SOX6: variants seen among roughly 807,000 people sequenced by gnomAD.
SOX6 encodes the protein SRY-box transcription factor 6.
In SOX6, 11 loss-of-function variants were observed where a neutral mutation model predicts 97.8. That is an observed-to-expected ratio of 0.11 (90% CI 0.07 to 0.19). The LOEUF (loss-of-function observed/expected upper bound fraction) is 0.19, where lower values mean the gene tolerates loss of function less well. Ranked by LOEUF, SOX6 falls within the 10% of genes least tolerant of loss-of-function variation. SOX6 has a pLI of 1.00. For synonymous variants in SOX6, 360 were observed against 371.4 expected (o/e 0.97, Z 0.35); for missense variants, 810 against 1,039.5 (o/e 0.78, Z 3.04).
chr11:16,376,272 C>A (rs1179114652), intron 1 of SOX6, among the ~76,000 whole-genome samples: 2 of 151,912 alleles, frequency 1.3e-5, no homozygotes, highest in African/African-American at 4.8e-5. Flanking sequence ...GGATTTATAC[C>A]TTCTAAATTA....
chr11:15,983,666 A>G (rs1027668276), intron 15 of SOX6, among the ~76,000 whole-genome samples: 1 of 152,140 alleles, frequency 6.6e-6, no homozygotes, highest in African/African-American at 2.4e-5. Context: ...CTTAAGCAGA[A>G]ATAACACCTG....
At chr11:16,214,909 C>T (rs773330720) in intron 4 of SOX6, among the ~76,000 whole-genome samples, 2 of 151,902 alleles carry the variant, frequency 1.3e-5, no homozygotes, top group Non-Finnish European at 2.9e-5. Context: ...ACCACCACAC[C>T]CAGCTAATTT....
intron 4 of SOX6, among the ~76,000 whole-genome samples, chr11:16,583,614 C>CATATATATATATATATATATACATATAT (rs1848054025): frequency 1.2e-4 from 13 of 104,718 alleles, no homozygotes; most frequent in Middle Eastern, 0.011. Flanking sequence ...TATATATATA[C>CATATATATATATATATATATACATATAT]ATATATATAT....
intron 3 of SOX6, among the ~76,000 whole-genome samples, chr11:16,630,796 T>C (rs1848696063): frequency 6.6e-6 from 1 of 152,236 alleles, no homozygotes; most frequent in Non-Finnish European, 1.5e-5. Context: ...TGTAGGACAG[T>C]TAAGTCTTCT....
chr11:16,300,987 A>C lies in SOX6; in HGVS notation c.445+17459T>G, dbSNP rs1199791034. Among the ~76,000 whole-genome samples the C allele has an allele frequency of 6.6e-6, 1 of 152,202 alleles. No individual in the cohort carries two copies. The highest frequency in any genetic ancestry group is 2.4e-5 in the African/African-American group (1 of 41,452). Reference sequence around the variant, plus strand: ...CAGATTATTACATCTGAAACCACACAATACCTTTTCTTTTTTCCCTCATCA... The same window carrying C: ...CAGATTATTACATCTGAAACCACACCATACCTTTTCTTTTTTCCCTCATCA... On this transcript the variant is annotated intron_variant, in intron 3 of 15. Transcript: ENST00000683767. This position sits in a 1 kb window ranked among gnomAD's most constrained non-coding sequence, Gnocchi z 4.1.
chr11:16,287,298 T>TCTCACACACACACA (rs1554953497), intron 3 of SOX6, among the ~76,000 whole-genome samples: 2 of 123,450 alleles, frequency 1.6e-5, no homozygotes, highest in African/African-American at 6.5e-5. Flanking sequence ...TCTCTCTCTC[T>TCTCACACACACACA]CACACACACA....
intron 1 of SOX6, among the ~76,000 whole-genome samples, chr11:16,473,902 G>A (rs1308883250): frequency 6.6e-6 from 1 of 152,148 alleles, no homozygotes; most frequent in Non-Finnish European, 1.5e-5. Flanking sequence ...TTTACCCACA[G>A]CAGAACATCA....
intron 6 of SOX6, among the ~76,000 whole-genome samples, chr11:16,130,679 A>G (rs11023850): frequency 0.034 from 5,155 of 152,080 alleles, 120 homozygotes; most frequent in Non-Finnish European, 0.05. Context: ...AATAGTCAAA[A>G]CAATTAAACA....
intron 12 of SOX6, chr11:16,031,639 G>A (rs1855376287): frequency 6.6e-6 from 1 of 152,090 alleles, no homozygotes; most frequent in Non-Finnish European, 1.5e-5. Flanking sequence ...AGAACTTGCA[G>A]AAAAATCATC....
chr11:16,129,621 G>T (rs1477510912), intron 6 of SOX6, among the ~76,000 whole-genome samples: 1 of 152,006 alleles, frequency 6.6e-6, no homozygotes, highest in Non-Finnish European at 1.5e-5. Context: ...GGTTTATTGT[G>T]GGAACGCAAG....
intron 2 of SOX6, among the ~76,000 whole-genome samples, chr11:16,729,196 A>G (rs1342317941): frequency 6.6e-6 from 1 of 152,210 alleles, no homozygotes; most frequent in East Asian, 1.9e-4. Flanking sequence ...CTAGCAAGGC[A>G]GGCCAACGTT....
chr11:15,977,230 T>C (rs893588440), intron 15 of SOX6, among the ~76,000 whole-genome samples: 2 of 152,062 alleles, frequency 1.3e-5, no homozygotes, highest in Non-Finnish European at 2.9e-5. Flanking sequence ...TAGATGTTCA[T>C]TCCAACACCC....
At chr11:16,462,957 A>G (rs1360164957) in intron 1 of SOX6, among the ~76,000 whole-genome samples, 1 of 152,224 alleles carries the variant, frequency 6.6e-6, no homozygotes, top group Non-Finnish European at 1.5e-5. Flanking sequence ...TCACCATAAG[A>G]TGGTTGCAAT....
At chr11:16,384,184 A>G (rs1158968232) in intron 1 of SOX6, among the ~76,000 whole-genome samples, 1 of 148,980 alleles carries the variant, frequency 6.7e-6, no homozygotes, top group Non-Finnish European at 1.5e-5. Flanking sequence ...TATTTTAATT[A>G]TCTTCTTTAA....
In SOX6 at chr11:16,327,080, T is replaced by C. The variant is rs558503982; in HGVS notation, c.238-8427A>G. On this transcript the variant is annotated intron_variant, in intron 2 of 15. Coordinates refer to ENST00000683767, the MANE Select transcript of SOX6 (RefSeq NM_001367873.1). ...CCCAGAGACAGCCAGATGAAAGCTA[T>C]ACCACTGTTTCTAACTTAGCCTGGG... 2.0e-5 allele frequency among the ~76,000 whole-genome samples: 3 copies of C among 152,304 alleles called. No individual in the cohort carries two copies. The South Asian group carries it at 6.2e-4, about 32-fold the overall frequency.
In SOX6 at chr11:16,341,268, A is replaced by C. The variant is rs182746841; in HGVS notation, c.-4-16T>G. On this transcript the variant is annotated splice_polypyrimidine_tract_variant and intron_variant, in intron 1 of 15. Coordinates refer to ENST00000683767, the MANE Select transcript of SOX6 (RefSeq NM_001367873.1). ...AGACATTCTTCTGCAGAAAAAAAACAGAACGGATTAAAAATGGCTGTCAAT... is the reference window on the plus strand; with the variant it reads ...AGACATTCTTCTGCAGAAAAAAAACCGAACGGATTAAAAATGGCTGTCAAT... 741 of 1,611,972 alleles carry C rather than the reference A, an allele frequency of 4.6e-4. 11 individuals are homozygous for C. In the East Asian group the frequency reaches 0.016, roughly 35 times the overall value.
chr11:15,968,908 C>T lies in SOX6; in HGVS notation c.*3901G>A, dbSNP rs1853216688. ...CTGGGTACACATGAAAACAACAAAGCTTCCGTACCTTACTGGAAAAGACAC... is the reference window on the plus strand; with the variant it reads ...CTGGGTACACATGAAAACAACAAAGTTTCCGTACCTTACTGGAAAAGACAC... On this transcript the variant is annotated 3_prime_UTR_variant, in exon 16 of 16. Transcript: ENST00000683767. 1 of 152,148 alleles carries T rather than the reference C, an allele frequency of 6.6e-6. No individual in the cohort carries two copies. The highest frequency in any genetic ancestry group is 6.5e-5 in the Admixed American group (1 of 15,274). 9.4% of individuals were successfully genotyped at this position (152,148 alleles called of 1,614,324 possible).
At chr11:16,037,750 C>T (rs1005112120) in intron 12 of SOX6, among the ~76,000 whole-genome samples, 3 of 152,152 alleles carry the variant, frequency 2.0e-5, no homozygotes, top group African/African-American at 2.4e-5. Flanking sequence ...CTAAAGGTCT[C>T]GCCCATTCTT....
chr11:16,656,412 C>G (rs138483947), intron 3 of SOX6, among the ~76,000 whole-genome samples: 1 of 152,202 alleles, frequency 6.6e-6, no homozygotes, highest in East Asian at 1.9e-4. Flanking sequence ...CCAGGAGAGT[C>G]TTTATGGTCC....
Sources: allele counts gnomAD v4.1 joint callset (sites outside exome capture counted in the v4.1 genomes callset), GRCh38; gene constraint gnomAD v4.1.1; non-coding constraint Gnocchi (gnomAD v3.1); transcripts MANE v1.5; gene names NCBI Gene and HGNC (gene_info 2026-07-23, HGNC 2026-07-21).